EDIL3: variants seen among roughly 807,000 people sequenced by gnomAD.
The protein encoded by EDIL3 is EGF-like repeat and discoidin I-like domain-containing protein 3.
Under a neutral mutation model 67.4 loss-of-function variants are expected in EDIL3, and 37 were observed. The observed-to-expected ratio is 0.55, with a 90% confidence interval of 0.42 to 0.72. The LOEUF (loss-of-function observed/expected upper bound fraction) is 0.72, where lower values mean the gene tolerates loss of function less well. Ranked by LOEUF, EDIL3 falls within the 30% of genes least tolerant of loss-of-function variation. The probability of loss-of-function intolerance (pLI) is 0.00; values close to 1 mark genes in which losing one functional copy is unlikely to be tolerated. For synonymous variants in EDIL3, 195 were observed against 196.3 expected (o/e 0.99, Z 0.05); for missense variants, 527 against 586.3 (o/e 0.90, Z 1.04).
intron 1 of EDIL3, among the ~76,000 whole-genome samples, chr5:84,357,138 T>C (rs1233832731): frequency 6.6e-6 from 1 of 151,990 alleles, no homozygotes; most frequent in East Asian, 1.9e-4. Context: ...TTAGCCAGGC[T>C]AGTGTTGAAC....
chr5:84,047,405 G>A (rs896426456), intron 9 of EDIL3, among the ~76,000 whole-genome samples: 6 of 152,034 alleles, frequency 3.9e-5, no homozygotes, highest in Admixed American at 1.3e-4. Context: ...AAATTAGAAG[G>A]GATGGAAAGG....
At chr5:83,963,475 G>C in intron 9 of EDIL3, 115 bp from the exon 10 acceptor site, 2 of 1,191,908 alleles carry the variant, frequency 1.7e-6, no homozygotes, top group African/African-American at 1.6e-5. Flanking sequence ...AATCTGTCTA[G>C]TTATTTGTAT....
rs571914966 is a variant in EDIL3, at chr5:84,019,277, C to G, written c.1137+41023G>C. Among the ~76,000 whole-genome samples, 11 of 152,090 alleles carry G rather than the reference C, an allele frequency of 7.2e-5. No homozygotes were observed. In the South Asian group the frequency reaches 2.1e-3, roughly 29 times the overall value. ...GGATGAAGCTGGAAACCATCATTCT[C>G]AGCAAACTATCACAAGGACAAAAAA... is the stretch of plus-strand genomic sequence containing the variant. On this transcript the variant is annotated intron_variant, in intron 9 of 10. Transcript: ENST00000296591.
At chr5:84,352,581 A>G (rs1455114323) in intron 1 of EDIL3, among the ~76,000 whole-genome samples, 5 of 152,250 alleles carry the variant, frequency 3.3e-5, no homozygotes, top group Admixed American at 1.3e-4. Flanking sequence ...CTTGGGAGCT[A>G]AACAATGGGT....
intron 2 of EDIL3, among the ~76,000 whole-genome samples, chr5:84,242,661 G>A (rs1744821777): frequency 6.6e-6 from 1 of 151,708 alleles, no homozygotes; most frequent in Non-Finnish European, 1.5e-5. Context: ...AACCAGGCTT[G>A]GTGGAGTGTA....
chr5:83,990,309 A>C (rs924818219), intron 9 of EDIL3, among the ~76,000 whole-genome samples: 4 of 152,066 alleles, frequency 2.6e-5, no homozygotes, highest in Non-Finnish European at 4.4e-5. Flanking sequence ...CAACCTGGTG[A>C]AATCCCGTCT....
chr5:84,255,283 C>G (rs1003377677), intron 1 of EDIL3, among the ~76,000 whole-genome samples: 3 of 152,128 alleles, frequency 2.0e-5, no homozygotes, highest in Non-Finnish European at 2.9e-5. Flanking sequence ...TGGCTACAAA[C>G]CTCCCTGTGA....
chr5:84,281,919 T>C (rs1561244454), intron 1 of EDIL3, among the ~76,000 whole-genome samples: 2 of 141,400 alleles, frequency 1.4e-5, no homozygotes, highest in Non-Finnish European at 3.0e-5. Flanking sequence ...CTGGAATAAA[T>C]GCAGTGGTGC....
chr5:84,218,396 G>T (rs1422926292), intron 3 of EDIL3, among the ~76,000 whole-genome samples: 1 of 152,192 alleles, frequency 6.6e-6, no homozygotes, highest in South Asian at 2.1e-4. Context: ...AAATTTAGTT[G>T]TTCCTATAGA....
intron 6 of EDIL3, among the ~76,000 whole-genome samples, chr5:84,083,496 A>T (rs934915026): frequency 1.3e-5 from 2 of 152,216 alleles, no homozygotes; most frequent in African/African-American, 4.8e-5. Flanking sequence ...AAGTTTTGTG[A>T]TCTAACAGTT....
At chr5:84,290,722 T>C (rs565432634) in intron 1 of EDIL3, among the ~76,000 whole-genome samples, 1 of 152,214 alleles carries the variant, frequency 6.6e-6, no homozygotes, top group African/African-American at 2.4e-5. Flanking sequence ...TTCAACCTAA[T>C]GTATAAACAT....
chr5:84,026,400 C>A (rs536985207), intron 9 of EDIL3, among the ~76,000 whole-genome samples: 153 of 152,206 alleles, frequency 1.0e-3, no homozygotes, highest in African/African-American at 3.4e-3. Flanking sequence ...TTGTTTCCAT[C>A]TTTCTTTTTT....
chr5:84,214,971 T>C (rs1406390436), intron 3 of EDIL3, among the ~76,000 whole-genome samples: 1 of 152,150 alleles, frequency 6.6e-6, no homozygotes, highest in African/African-American at 2.4e-5. Context: ...CTGCCCACCG[T>C]GGCCTCCCAA....
At chr5:84,038,196 C>T (rs1746058587) in intron 9 of EDIL3, among the ~76,000 whole-genome samples, 1 of 151,834 alleles carries the variant, frequency 6.6e-6, no homozygotes, top group Non-Finnish European at 1.5e-5. Context: ...TTTCATGCTC[C>T]TGAGTGGCTC....
chr5:83,954,797 A>G (rs1332641028), intron 10 of EDIL3, among the ~76,000 whole-genome samples: 1 of 151,786 alleles, frequency 6.6e-6, no homozygotes, highest in Non-Finnish European at 1.5e-5. Context: ...TTTTCCTAGT[A>G]GGAAAGAAAA....
intron 6 of EDIL3, among the ~76,000 whole-genome samples, chr5:84,083,216 A>G (rs1310228307): frequency 6.6e-6 from 1 of 152,216 alleles, no homozygotes; most frequent in Non-Finnish European, 1.5e-5. Context: ...TGAAATTTGA[A>G]GTCAGTGTTT....
At chr5:83,964,675 T>C (rs968208139) in intron 9 of EDIL3, among the ~76,000 whole-genome samples, 1 of 152,082 alleles carries the variant, frequency 6.6e-6, no homozygotes, top group Non-Finnish European at 1.5e-5. Context: ...TTCAATATTT[T>C]TGAATTCACA....
intron 9 of EDIL3, among the ~76,000 whole-genome samples, chr5:83,970,256 TTATATATATATA>T (rs60143474): frequency 1.6e-5 from 2 of 128,534 alleles, no homozygotes; most frequent in Non-Finnish European, 3.2e-5. Flanking sequence ...GTGTCACTAA[TTATATATATATA>T]TATATATATA....
chr5:84,021,530 G>T (rs529201803), intron 9 of EDIL3, among the ~76,000 whole-genome samples: 1 of 151,950 alleles, frequency 6.6e-6, no homozygotes, highest in Admixed American at 6.6e-5. Context: ...TCTTGGTATT[G>T]ATTTCTAGTT....
Sources: gnomAD v4.1 joint callset for allele counts (sites outside exome capture counted in the v4.1 genomes callset) on GRCh38, gnomAD v4.1.1 for gene constraint, MANE v1.5 for transcripts, NCBI Gene and HGNC (gene_info 2026-07-23, HGNC 2026-07-21) for gene names.